Variants in SLC36A1 observed in about 807,000 individuals in gnomAD.
The protein encoded by SLC36A1 is proton-coupled amino acid transporter 1.
In SLC36A1, 30 loss-of-function variants were observed where a neutral mutation model predicts 47.5. That is an observed-to-expected ratio of 0.63 (90% CI 0.47 to 0.86). The LOEUF is 0.86. SLC36A1 is among the 40% of genes least tolerant of loss of function. The pLI, the probability that SLC36A1 is intolerant of heterozygous loss-of-function variation, is 0.00. For missense variants in SLC36A1, 517 were observed against 606.0 expected (o/e 0.85, Z 1.54); for synonymous variants, 255 against 249.7 (o/e 1.02, Z -0.20).
chr5:151,518,006 G>A, the SLC36A1 span, among the ~76,000 whole-genome samples: 1 of 152,080 alleles, frequency 6.6e-6, no homozygotes, highest in Non-Finnish European at 1.5e-5. Context: ...GTCCCAGGCT[G>A]GGTCAAGAAA....
the SLC36A1 span, chr5:151,546,352 A>G: frequency 3.8e-6 from 6 of 1,597,666 alleles, no homozygotes; most frequent in Non-Finnish European, 5.1e-6. Flanking sequence ...AACAGAAGAC[A>G]AGACAAACAA....
the SLC36A1 span, among the ~76,000 whole-genome samples, chr5:151,347,943 T>G: frequency 6.6e-6 from 1 of 152,196 alleles, no homozygotes; most frequent in East Asian, 1.9e-4. Context: ...CCTAGCCCAA[T>G]TTGTCAAGGT....
At chr5:151,521,851 C>G in the SLC36A1 span, 1 of 1,614,208 alleles carries the variant, frequency 6.2e-7, no homozygotes, top group Non-Finnish European at 8.5e-7. Context: ...ATCAGGCGCA[C>G]CCACTGAGAA....
At chr5:151,431,279 T>TA in the SLC36A1 span, 1 of 152,128 alleles carries the variant, frequency 6.6e-6, no homozygotes, top group Non-Finnish European at 1.5e-5. Context: ...AAAGGACACT[T>TA]ACGAGGTCCT....
the SLC36A1 span, among the ~76,000 whole-genome samples, chr5:151,411,118 G>A: frequency 6.9e-6 from 1 of 144,588 alleles, no homozygotes. Flanking sequence ...GACTTATCCA[G>A]GGTCACAGAG....
the SLC36A1 span, among the ~76,000 whole-genome samples, chr5:151,537,028 T>C: frequency 0.019 from 2,942 of 152,292 alleles, 62 homozygotes; most frequent in Admixed American, 0.06. Flanking sequence ...CTAACACTTC[T>C]GTGTCCACAA....
the SLC36A1 span, among the ~76,000 whole-genome samples, chr5:151,536,759 T>C: frequency 5.9e-5 from 9 of 152,210 alleles, no homozygotes; most frequent in Admixed American, 1.3e-4. Flanking sequence ...TGAGGTGTTA[T>C]CCCTGGTTTG....
At chr5:151,529,184 G>C in the SLC36A1 span, 1 of 1,614,000 alleles carries the variant, frequency 6.2e-7, no homozygotes, top group Non-Finnish European at 8.5e-7. Flanking sequence ...TTACCGTGAG[G>C]ATGACGTCAC....
the SLC36A1 span, chr5:151,531,754 A>G: frequency 6.2e-7 from 1 of 1,609,474 alleles, no homozygotes; most frequent in Non-Finnish European, 8.5e-7. This position sits in a 1 kb window ranked among gnomAD's most constrained non-coding sequence, Gnocchi z 5.7. Context: ...GAACACGGGC[A>G]GGTAGTCTTC....
intron 6 of SLC36A1, 93 bp from the exon 7 acceptor site, chr5:151,467,614 T>C: frequency 9.3e-7 from 1 of 1,079,528 alleles, no homozygotes; most frequent in African/African-American, 1.5e-5. Flanking sequence ...TTCACACACC[T>C]GAGCCTTTCC....
the SLC36A1 span, among the ~76,000 whole-genome samples, chr5:151,358,406 A>G: frequency 6.6e-6 from 1 of 151,994 alleles, no homozygotes; most frequent in South Asian, 2.1e-4. Context: ...CAAGTATCTG[A>G]AACTACAGGC....
At chr5:151,433,266 A>G (rs1171474666), upstream of SLC36A1, among the ~76,000 whole-genome samples, 4 of 9,408 alleles carry the variant, frequency 4.3e-4, no homozygotes, top group Admixed American at 2.6e-3. Flanking sequence ...ATATATATAT[A>G]TTTTTTTTTT....
At chr5:151,517,528 G>T in the SLC36A1 span, 1 of 1,489,770 alleles carries the variant, frequency 6.7e-7, no homozygotes, top group Non-Finnish European at 9.2e-7. Context: ...TTCTTTGGCA[G>T]AAATGGGCTT....
chr5:151,428,278 G>A, the SLC36A1 span, among the ~76,000 whole-genome samples: 1 of 152,176 alleles, frequency 6.6e-6, no homozygotes, highest in African/African-American at 2.4e-5. Context: ...AGGATGAGAT[G>A]ACCTCCATGG....
the SLC36A1 span, among the ~76,000 whole-genome samples, chr5:151,513,817 ATAAAT>A: frequency 4.6e-5 from 7 of 152,230 alleles, no homozygotes; most frequent in Non-Finnish European, 1.0e-4. Context: ...TTATTTCTAA[ATAAAT>A]TAATACATTT....
Position 151,479,487 on chromosome 5 carries a change from C to T in SLC36A1, c.1157C>T (p.Thr386Ile). 1 of 1,612,520 alleles carries T rather than the reference C, an allele frequency of 6.2e-7. No homozygotes were observed. The highest frequency in any genetic ancestry group is 1.3e-5 in the African/African-American group (1 of 75,020). ...GTGCGCACAGTGCTGGTCTGCCTGA[C>T]ATGTGAGTAGAAGATGATAATTGCC... ...LFVRTVLVCLTCILAILIPRL... is the reference protein window; with the variant it reads ...LFVRTVLVCLICILAILIPRL... Residue 386 changes from threonine (T) to isoleucine (I), a missense_variant and splice_region_variant, in exon 10 of 11, where the codon ACA becomes ATA. Coordinates refer to ENST00000243389, the MANE Select transcript of SLC36A1 (RefSeq NM_078483.4).
the SLC36A1 span, among the ~76,000 whole-genome samples, chr5:151,393,616 A>G: frequency 2.6e-5 from 4 of 152,178 alleles, no homozygotes; most frequent in African/African-American, 9.7e-5. Context: ...TAAATCTCTC[A>G]GCATTTGCTT....
the SLC36A1 span, chr5:151,529,421 T>A: frequency 6.2e-7 from 1 of 1,603,640 alleles, no homozygotes; most frequent in African/African-American, 1.3e-5. Flanking sequence ...ACAGCAGCAA[T>A]GAGGCAGTTG....
At chr5:151,549,399 G>A in the SLC36A1 span, 4 of 1,614,146 alleles carry the variant, frequency 2.5e-6, no homozygotes. Flanking sequence ...AGGAACACTT[G>A]CCTCATAATG....
Sources: allele counts gnomAD v4.1 joint callset (sites outside exome capture counted in the v4.1 genomes callset), GRCh38; gene constraint gnomAD v4.1.1; non-coding constraint Gnocchi (gnomAD v3.1); transcripts MANE v1.5; gene names NCBI Gene and HGNC (gene_info 2026-07-23, HGNC 2026-07-21).